Variants in TAFA2 observed in about 807,000 individuals in gnomAD.
The protein encoded by TAFA2 is TAFA chemokine like family member 2, also known as chemokine-like protein TAFA-2.
Under a neutral mutation model 18.8 loss-of-function variants are expected in TAFA2, and 7 were observed. The ratio of observed to expected loss-of-function variants is 0.37; its 90% CI spans 0.21 to 0.70. The LOEUF (loss-of-function observed/expected upper bound fraction) is 0.70, where lower values mean the gene tolerates loss of function less well. TAFA2 is among the 30% of genes least tolerant of loss of function. TAFA2 has a pLI of 0.53. For missense variants in TAFA2, 122 were observed against 158.1 expected, an observed-to-expected ratio of 0.77 and a Z score of 1.23; for synonymous variants, 60 against 54.2, an observed-to-expected ratio of 1.11 and a Z score of -0.47.
At chr12:61,766,984 A>G (rs1869818123) in intron 2 of TAFA2, among the ~76,000 whole-genome samples, 1 of 152,148 alleles carries the variant, frequency 6.6e-6, no homozygotes. Context: ...TGATGGTTTC[A>G]TCTTTGACAA....
chr12:61,761,787 T>C (rs551020241), intron 2 of TAFA2, among the ~76,000 whole-genome samples: 7 of 152,062 alleles, frequency 4.6e-5, no homozygotes, highest in Non-Finnish European at 8.8e-5. Flanking sequence ...TTGACCATTA[T>C]CTTATAATGC....
intron 1 of TAFA2, among the ~76,000 whole-genome samples, chr12:62,166,670 T>C (rs1000471390): frequency 6.6e-6 from 1 of 152,168 alleles, no homozygotes; most frequent in Non-Finnish European, 1.5e-5. Context: ...AGAAGGGGAT[T>C]GTCCCAGTGA....
chr12:62,162,439 T>G (rs932217038), intron 1 of TAFA2, among the ~76,000 whole-genome samples: 3 of 152,242 alleles, frequency 2.0e-5, no homozygotes, highest in Admixed American at 2.0e-4. Flanking sequence ...GGGGTTTACC[T>G]GCTTAGCTAT....
At chr12:62,221,200 GGGAA>G (rs1279354839) in intron 1 of TAFA2, among the ~76,000 whole-genome samples, 2 of 110,414 alleles carry the variant, frequency 1.8e-5, no homozygotes, top group African/African-American at 7.6e-5. Context: ...GAAGGAAGGA[GGGAA>G]GGAAGGAAGG....
intron 1 of TAFA2, among the ~76,000 whole-genome samples, chr12:62,042,189 C>T (rs1328189698): frequency 6.6e-6 from 1 of 151,966 alleles, no homozygotes; most frequent in Non-Finnish European, 1.5e-5. Flanking sequence ...CATTCCCAAG[C>T]TCTCTTATCC....
At chr12:61,770,771 C>T (rs1024765014) in intron 2 of TAFA2, among the ~76,000 whole-genome samples, 2 of 151,956 alleles carry the variant, frequency 1.3e-5, no homozygotes, top group East Asian at 3.9e-4. Context: ...TCAAAATACA[C>T]CAAAATAGAA....
upstream of TAFA2, among the ~76,000 whole-genome samples, chr12:62,197,555 T>C (rs919441893): frequency 6.6e-6 from 1 of 152,220 alleles, no homozygotes; most frequent in African/African-American, 2.4e-5. Flanking sequence ...CCAGTCAAAA[T>C]ACCAAATGTT....
chr12:61,888,658 T>C (rs1038452448), intron 1 of TAFA2, among the ~76,000 whole-genome samples: 13 of 151,844 alleles, frequency 8.6e-5, no homozygotes, highest in African/African-American at 2.4e-4. Context: ...AAATACTTTT[T>C]GAATAAAAAT....
chr12:62,124,746 G>A lies in TAFA2; in HGVS notation c.-2+66513C>T, dbSNP rs201242504. Reference sequence around the variant, plus strand: ...AAATACATCTTAAATCAATCCCAGCGTGATCTTGCAGAATCGTCAAATACA... The same window carrying A: ...AAATACATCTTAAATCAATCCCAGCATGATCTTGCAGAATCGTCAAATACA... On this transcript the variant is annotated intron_variant, in intron 1 of 4. Transcript: ENST00000416284. Among the ~76,000 whole-genome samples, 12 of 152,202 alleles carry A rather than the reference G, an allele frequency of 7.9e-5. No individual in the cohort carries two copies. The East Asian group carries it at 1.9e-3, about 25-fold the overall frequency.
At chr12:61,848,433 T>C (rs1389058924) in intron 2 of TAFA2, among the ~76,000 whole-genome samples, 1 of 152,218 alleles carries the variant, frequency 6.6e-6, no homozygotes, top group African/African-American at 2.4e-5. Context: ...CCTAAAAGTC[T>C]TAATTGTACT....
intron 1 of TAFA2, among the ~76,000 whole-genome samples, chr12:62,066,354 T>C (rs1882488356): frequency 6.6e-6 from 1 of 151,828 alleles, no homozygotes. Flanking sequence ...TTTTTTACCA[T>C]CCACCCAGTT....
chr12:61,944,669 A>G (rs1878188458), intron 1 of TAFA2, among the ~76,000 whole-genome samples: 3 of 137,658 alleles, frequency 2.2e-5, no homozygotes, highest in Non-Finnish European at 4.8e-5. Flanking sequence ...AGAGAATACT[A>G]CAAACACCTC....
intron 2 of TAFA2, among the ~76,000 whole-genome samples, chr12:61,785,244 A>G (rs751840477): frequency 6.6e-6 from 1 of 151,374 alleles, no homozygotes; most frequent in Non-Finnish European, 1.5e-5. Flanking sequence ...GATTTCATGT[A>G]ACGTAATGTC....
At chr12:62,186,960 GT>G (rs2062590424) in intron 1 of TAFA2, among the ~76,000 whole-genome samples, 1 of 152,104 alleles carries the variant, frequency 6.6e-6, no homozygotes, top group African/African-American at 2.4e-5. Context: ...TATCCATGTG[GT>G]ATACACATTA....
intron 2 of TAFA2, among the ~76,000 whole-genome samples, chr12:61,840,790 A>G (rs1195044245): frequency 6.6e-6 from 1 of 152,078 alleles, no homozygotes; most frequent in African/African-American, 2.4e-5. Context: ...ACAGTGGGAA[A>G]GTGAGGATGG....
intron 2 of TAFA2, among the ~76,000 whole-genome samples, chr12:61,802,656 A>C (rs1398548877): frequency 6.6e-6 from 1 of 152,020 alleles, no homozygotes; most frequent in Non-Finnish European, 1.5e-5. Flanking sequence ...ATACAAAATT[A>C]CTACAGCTAG....
chr12:61,913,950 A>C (rs1876713150), intron 1 of TAFA2, among the ~76,000 whole-genome samples: 2 of 152,218 alleles, frequency 1.3e-5, no homozygotes, highest in East Asian at 3.9e-4. Context: ...CAATCAGTTG[A>C]ATATGAATTT....
intron 1 of TAFA2, among the ~76,000 whole-genome samples, chr12:62,069,926 A>T (rs551326793): frequency 1.3e-5 from 2 of 152,296 alleles, no homozygotes; most frequent in Admixed American, 1.3e-4. Flanking sequence ...TTCTTCATAA[A>T]ATTTATAATG....
Position 61,934,697 on chromosome 12 carries a change from A to G in TAFA2, c.-1-67271T>C, listed in dbSNP as rs111429369. ...ACACTTGAAAGAGATGCTCTTCTGCATCTCAGAAGCTGTGTTTCAAACACT... is the reference window on the plus strand; with the variant it reads ...ACACTTGAAAGAGATGCTCTTCTGCGTCTCAGAAGCTGTGTTTCAAACACT... On this transcript the variant is annotated intron_variant, in intron 1 of 4. Coordinates refer to ENST00000416284, the MANE Select transcript of TAFA2 (RefSeq NM_178539.5). Among the ~76,000 whole-genome samples the G allele has an allele frequency of 3.5e-4, 53 of 152,362 alleles. 1 individual carries two copies. Among genetic ancestry groups the G allele is most frequent in the African/African-American group, 1.3e-3 (52 of 41,584 alleles).
Sources: gnomAD v4.1 joint callset for allele counts (sites outside exome capture counted in the v4.1 genomes callset) on GRCh38, gnomAD v4.1.1 for gene constraint, MANE v1.5 for transcripts, NCBI Gene and HGNC (gene_info 2026-07-23, HGNC 2026-07-21) for gene names.